The following FLNB variants were observed in gnomAD, a reference collection of about 807,000 sequenced individuals.
The protein encoded by FLNB is filamin-B.
Under a neutral mutation model 250.6 loss-of-function variants are expected in FLNB, and 111 were observed. The ratio of observed to expected loss-of-function variants is 0.44; its 90% CI spans 0.38 to 0.52. The LOEUF (loss-of-function observed/expected upper bound fraction) is 0.52. Among genes scored for constraint, FLNB ranks in the 20% least tolerant of loss-of-function variants. The probability of loss-of-function intolerance (pLI) is 0.00; values close to 1 mark genes in which losing one functional copy is unlikely to be tolerated. For missense variants in FLNB, 2,869 were observed against 3,447.8 expected, an observed-to-expected ratio of 0.83 and a Z score of 4.20; for synonymous variants, 1,302 against 1,372.1, an observed-to-expected ratio of 0.95 and a Z score of 1.13.
intron 14 of FLNB, 88 bp from the exon 15 acceptor site, chr3:58,109,485 CAGA>C: frequency 6.2e-7 from 1 of 1,608,672 alleles, no homozygotes; most frequent in East Asian, 2.2e-5. Context: ...CCAGCCTGCT[CAGA>C]AGAACTATTT....
intron 41 of FLNB, among the ~76,000 whole-genome samples, chr3:58,159,160 G>A (rs912800408): frequency 3.9e-5 from 6 of 152,094 alleles, no homozygotes; most frequent in Admixed American, 1.3e-4. Flanking sequence ...AACTGTGTTC[G>A]TGTTCGTGAG....
rs573488469 is a variant in FLNB at position 58,064,140 on chromosome 3, AAT to A, written c.293-12903_293-12902del. Among the ~76,000 whole-genome samples, 169 of 152,250 alleles carry A rather than the reference AAT, an allele frequency of 1.1e-3. 1 individual carries two copies. The highest frequency in any genetic ancestry group is 3.6e-3 in the African/African-American group (151 of 41,538). On this transcript the variant is annotated intron_variant, in intron 1 of 45. Coordinates refer to ENST00000295956, the MANE Select transcript of FLNB (RefSeq NM_001457.4). ...CTGGGAGCTCAGTAGGCAGTTAGAAAATATGTGTATATTTTTTGAGACGAAGT... is the reference window on the plus strand; with the variant it reads ...CTGGGAGCTCAGTAGGCAGTTAGAAAATGTGTATATTTTTTGAGACGAAGT...
intron 5 of FLNB, among the ~76,000 whole-genome samples, chr3:58,095,415 C>A (rs1476043607): frequency 5.3e-5 from 8 of 152,082 alleles, no homozygotes; most frequent in African/African-American, 1.9e-4. Flanking sequence ...GCCACCACGC[C>A]TGGCTAATTT....
At chr3:58,041,532 A>T (rs893454382) in intron 1 of FLNB, among the ~76,000 whole-genome samples, 12 of 152,108 alleles carry the variant, frequency 7.9e-5, no homozygotes, top group Admixed American at 2.6e-4. Flanking sequence ...ACCAACCACC[A>T]CCACCACCAC....
chr3:58,056,593 C>T (rs367771035), intron 1 of FLNB, among the ~76,000 whole-genome samples: 3 of 152,114 alleles, frequency 2.0e-5, no homozygotes, highest in South Asian at 2.1e-4. Context: ...ATGACTAACT[C>T]AGTTATGTAT....
intron 1 of FLNB, among the ~76,000 whole-genome samples, chr3:58,033,976 T>C (rs1475906538): frequency 6.6e-6 from 1 of 152,080 alleles, no homozygotes; most frequent in Non-Finnish European, 1.5e-5. Flanking sequence ...TTCTCCTGCC[T>C]CAGCCTTCTG....
chr3:58,156,189 AC>A, intron 41 of FLNB, 114 bp downstream of exon 41: 1 of 764,706 alleles, frequency 1.3e-6, no homozygotes, highest in Non-Finnish European at 2.3e-6. Flanking sequence ...TCACATTTTG[AC>A]CACAGATGTC....
Position 58,150,153 on chromosome 3 carries a change from G to A in FLNB, c.6293G>A (p.Ser2098Asn). The A allele has an allele frequency of 2.5e-6, 4 of 1,614,222 alleles. No individual in the cohort carries two copies. The highest frequency in any genetic ancestry group is 3.4e-6 in the Non-Finnish European group (4 of 1,180,034). Residue 2098 changes from serine to asparagine, a missense_variant, in exon 38 of 46, where the codon AGC becomes AAC. Physicochemically the swap from Ser to Asn is conservative, Grantham distance 46. Transcript: ENST00000295956. Reference sequence around the variant, plus strand: ...AGTGGGGAGGGAAGAGTCAAAGAGAGCATCACCCGCACCAGTCGGGCCCCG... The same window carrying A: ...AGTGGGGAGGGAAGAGTCAAAGAGAACATCACCCGCACCAGTCGGGCCCCG... ...KISGEGRVKE[S>N]ITRTSRAPSV...
chr3:58,157,208 T>G (rs2097354717), intron 41 of FLNB, among the ~76,000 whole-genome samples: 2 of 152,272 alleles, frequency 1.3e-5, no homozygotes, highest in Admixed American at 1.3e-4. Flanking sequence ...GAAAAATAAT[T>G]AGGTGTCTGA....
At chr3:58,159,470 A>G (rs574045826) in intron 41 of FLNB, 84 bp from the exon 42 acceptor site, 5 of 1,368,424 alleles carry the variant, frequency 3.7e-6, no homozygotes, top group South Asian at 2.3e-5. Flanking sequence ...GAGAACTGTC[A>G]CCCACAGTTT....
At chr3:58,108,743 G>A (rs950427679) in intron 13 of FLNB, among the ~76,000 whole-genome samples, 172 bp downstream of exon 13, 1 of 152,146 alleles carries the variant, frequency 6.6e-6, no homozygotes, top group African/African-American at 2.4e-5. Context: ...ACCATGTAGA[G>A]TACTGGGCTT....
At chr3:58,079,276 G>A (rs2097205758) in intron 3 of FLNB, among the ~76,000 whole-genome samples, 2 of 141,518 alleles carry the variant, frequency 1.4e-5, no homozygotes, top group South Asian at 4.4e-4. Context: ...TTTTTGAGAT[G>A]GAGTCTCGCT....
chr3:58,060,166 G>T (rs1173321039), intron 1 of FLNB, among the ~76,000 whole-genome samples: 1 of 152,140 alleles, frequency 6.6e-6, no homozygotes, highest in Non-Finnish European at 1.5e-5. Flanking sequence ...AGTGAACGGG[G>T]GCGCAAGGGA....
At chr3:58,100,974 A>G (rs1219922514) in intron 8 of FLNB, among the ~76,000 whole-genome samples, 2 of 151,972 alleles carry the variant, frequency 1.3e-5, no homozygotes. Context: ...GACTCAAGCA[A>G]TCTCCCCGCC....
intron 10 of FLNB, 101 bp downstream of exon 10, chr3:58,104,186 C>A: frequency 3.5e-6 from 4 of 1,155,154 alleles, no homozygotes; most frequent in African/African-American, 1.6e-5. Context: ...AAGAGATCTG[C>A]TTTGTTGAAA....
intron 1 of FLNB, among the ~76,000 whole-genome samples, chr3:58,038,998 G>C (rs1040231738): frequency 1.3e-5 from 2 of 151,408 alleles, no homozygotes; most frequent in Non-Finnish European, 2.9e-5. Context: ...AGGCTAAGGT[G>C]GGAGGGTTGC....
In FLNB at chr3:58,142,443, A is replaced by C. The variant is rs2107249140; in HGVS notation, c.5182-207A>C. On this transcript the variant is annotated intron_variant, in intron 30 of 45. Coordinates refer to ENST00000295956, the MANE Select transcript of FLNB (RefSeq NM_001457.4). This position sits in a 1 kb window ranked among gnomAD's most constrained non-coding sequence, Gnocchi z 4.3. ...CAAACAGACTCCCGAGTGATTGCTA[A>C]CAGTTGGTCAGCATGACCTCTCCAG... Among the ~76,000 whole-genome samples, 1 of 152,316 alleles carries C rather than the reference A, an allele frequency of 6.6e-6. No homozygotes were observed. The highest frequency in any genetic ancestry group is 2.1e-4 in the South Asian group (1 of 4,828).
At chr3:58,111,656 T>A (rs1394421517) in intron 16 of FLNB, 135 bp from the exon 17 acceptor site, 1 of 704,574 alleles carries the variant, frequency 1.4e-6, no homozygotes, top group Non-Finnish European at 2.6e-6. Flanking sequence ...ACCCTTCTGT[T>A]TACCTGTGGT....
rs10540627 is a variant in FLNB, at chr3:58,106,352, C to CTATATATATATATATATATATATA, written c.1748-326_1748-303dup. On this transcript the variant is annotated intron_variant, in intron 11 of 45. Coordinates refer to ENST00000295956, the MANE Select transcript of FLNB (RefSeq NM_001457.4). The stretch of plus-strand genomic sequence containing the variant: ...TAAAATACATATAATGTATTTAATA[C>CTATATATATATATATATATATATA]TATATATATATATATATATATATAT... Among the ~76,000 whole-genome samples the CTATATATATATATATATATATATA allele has an allele frequency of 2.4e-3, 317 of 132,868 alleles. 3 individuals carry two copies. Among genetic ancestry groups the CTATATATATATATATATATATATA allele is most frequent in the Middle Eastern group, 3.8e-3 (1 of 260 alleles). The allele number at this position is 132,868 out of a possible 152,430, so 87.2% of individuals were successfully genotyped here.
Sources: allele counts gnomAD v4.1 joint callset (sites outside exome capture counted in the v4.1 genomes callset), GRCh38; gene constraint gnomAD v4.1.1; non-coding constraint Gnocchi (gnomAD v3.1); transcripts MANE v1.5; gene names NCBI Gene and HGNC (gene_info 2026-07-23, HGNC 2026-07-21).